The following WHRN variants were observed in gnomAD, a reference collection of about 807,000 sequenced individuals.
WHRN encodes CASK-interacting protein CIP98.
A neutral mutation model predicts 68.3 loss-of-function variants in WHRN; 41 were observed. That is an observed-to-expected ratio of 0.60 (90% CI 0.47 to 0.78). The LOEUF (loss-of-function observed/expected upper bound fraction) is 0.78, where lower values mean the gene tolerates loss of function less well. WHRN is among the 30% of genes least tolerant of loss of function. The pLI, the probability that WHRN is intolerant of heterozygous loss-of-function variation, is 0.00. For synonymous variants in WHRN, 560 were observed against 561.3 expected, an observed-to-expected ratio of 1.00 and a Z score of 0.03; for missense variants, 1,243 against 1,244.7, an observed-to-expected ratio of 1.00 and a Z score of 0.02.
At chr9:114,413,785 AG>A (rs1295778678) in intron 7 of WHRN, among the ~76,000 whole-genome samples, 1 of 152,172 alleles carries the variant, frequency 6.6e-6, no homozygotes, top group African/African-American at 2.4e-5. Context: ...TCACAACATT[AG>A]GGAGCTCTCT....
At chr9:114,480,696 A>G (rs1842036230) in intron 1 of WHRN, among the ~76,000 whole-genome samples, 2 of 152,184 alleles carry the variant, frequency 1.3e-5, no homozygotes, top group Admixed American at 1.3e-4. Context: ...TGAATAAATG[A>G]TAGAATTCAC....
intron 3 of WHRN, among the ~76,000 whole-genome samples, chr9:114,456,826 CAAAA>C (rs58142457): frequency 7.1e-5 from 10 of 141,198 alleles, no homozygotes; most frequent in East Asian, 2.1e-4. Context: ...AAGACTATCT[CAAAA>C]AAAAAAAAAA....
At chr9:114,422,229 C>G (rs934000860) in intron 7 of WHRN, among the ~76,000 whole-genome samples, 1 of 152,164 alleles carries the variant, frequency 6.6e-6, no homozygotes, top group Non-Finnish European at 1.5e-5. Context: ...TGGGAGCAAC[C>G]GCCTGCTTAA....
intron 1 of WHRN, among the ~76,000 whole-genome samples, chr9:114,497,789 A>AT (rs1049780466): frequency 2.0e-5 from 3 of 151,990 alleles, no homozygotes; most frequent in South Asian, 2.1e-4. Context: ...CACAGACCAC[A>AT]TTTTTTTTAA....
chr9:114,464,837 G>C (rs373874465), intron 3 of WHRN, among the ~76,000 whole-genome samples: 3 of 145,354 alleles, frequency 2.1e-5, no homozygotes, highest in Non-Finnish European at 4.4e-5. Context: ...TGATGATGAT[G>C]ATGATGATGA....
At chr9:114,407,475 G>A (rs1014301325) in intron 8 of WHRN, among the ~76,000 whole-genome samples, 2 of 152,152 alleles carry the variant, frequency 1.3e-5, no homozygotes, top group Non-Finnish European at 2.9e-5. Context: ...CACAGCAGGT[G>A]CACAGTGAGG....
intron 1 of WHRN, among the ~76,000 whole-genome samples, chr9:114,484,825 T>C (rs891325511): frequency 6.6e-6 from 1 of 152,192 alleles, no homozygotes; most frequent in Admixed American, 6.5e-5. Flanking sequence ...GGAGGCAAAT[T>C]TGCCTCACTC....
intron 1 of WHRN, among the ~76,000 whole-genome samples, chr9:114,497,904 C>T (rs991822515): frequency 6.6e-6 from 1 of 152,150 alleles, no homozygotes; most frequent in African/African-American, 2.4e-5. Context: ...GTAGTTATGC[C>T]CATTTCACAG....
intron 7 of WHRN, among the ~76,000 whole-genome samples, chr9:114,417,540 A>G (rs1047955451): frequency 3.3e-5 from 5 of 152,236 alleles, no homozygotes; most frequent in African/African-American, 1.2e-4. Flanking sequence ...TTATTGGGGA[A>G]GGGAAACCCA....
At chr9:114,453,871 A>T (rs55862098) in intron 3 of WHRN, among the ~76,000 whole-genome samples, 1 of 152,162 alleles carries the variant, frequency 6.6e-6, no homozygotes, top group Non-Finnish European at 1.5e-5. Context: ...AGAAAAGAAA[A>T]CCCAGACCAC....
At chr9:114,486,088 C>T (rs1842451994) in intron 1 of WHRN, among the ~76,000 whole-genome samples, 1 of 152,180 alleles carries the variant, frequency 6.6e-6, no homozygotes, top group African/African-American at 2.4e-5. Flanking sequence ...GTACCTAGCA[C>T]ATGGTAGGTA....
intron 3 of WHRN, among the ~76,000 whole-genome samples, chr9:114,428,860 G>A (rs79853599): frequency 0.031 from 4,687 of 151,092 alleles, 87 homozygotes; most frequent in Non-Finnish European, 0.048. Flanking sequence ...TCCCTCCCAC[G>A]TGAGCGAGCT....
chr9:114,452,169 T>A (rs1022925063), intron 3 of WHRN, among the ~76,000 whole-genome samples: 1 of 152,250 alleles, frequency 6.6e-6, no homozygotes, highest in East Asian at 1.9e-4. Flanking sequence ...TTTCCTGTTA[T>A]CACCACTACC....
intron 2 of WHRN, 22 bp from the exon 3 acceptor site, chr9:114,466,414 A>G: frequency 1.9e-6 from 3 of 1,613,612 alleles, no homozygotes; most frequent in Non-Finnish European, 2.5e-6. Context: ...AGAGGATAAC[A>G]TTAGAGGGAC....
chr9:114,499,506 T>A (rs1010086378), intron 1 of WHRN, among the ~76,000 whole-genome samples: 2 of 152,192 alleles, frequency 1.3e-5, no homozygotes, highest in Non-Finnish European at 2.9e-5. Context: ...CTGAGAAGGG[T>A]AAACCAAAGG....
At chr9:114,489,277 A>G (rs1004289072) in intron 1 of WHRN, among the ~76,000 whole-genome samples, 2 of 152,198 alleles carry the variant, frequency 1.3e-5, no homozygotes, top group Non-Finnish European at 2.9e-5. Flanking sequence ...ACAGTGAAGA[A>G]ATGAAAGGAT....
intron 1 of WHRN, among the ~76,000 whole-genome samples, chr9:114,501,417 T>C (rs944830986): frequency 6.6e-6 from 1 of 152,152 alleles, no homozygotes; most frequent in Non-Finnish European, 1.5e-5. Context: ...CAGGTAACAA[T>C]GGATGCTTGA....
intron 1 of WHRN, 79 bp from the exon 2 acceptor site, chr9:114,478,850 T>G: frequency 7.0e-7 from 1 of 1,435,412 alleles, no homozygotes; most frequent in Non-Finnish European, 9.5e-7. Flanking sequence ...GGCCCAGACC[T>G]TGGTTTTTCT....
At chr9:114,408,074 G>T in intron 7 of WHRN, 56 bp from the exon 8 acceptor site, 1 of 1,465,716 alleles carries the variant, frequency 6.8e-7, no homozygotes, top group Non-Finnish European at 9.4e-7. Context: ...GGGAACACTG[G>T]TTTGTTCTCC....
Sources: allele counts gnomAD v4.1 joint callset (sites outside exome capture counted in the v4.1 genomes callset), GRCh38; gene constraint gnomAD v4.1.1; transcripts MANE v1.5; gene names NCBI Gene and HGNC (gene_info 2026-07-23, HGNC 2026-07-21).